The following ALK variants were observed in gnomAD, a reference collection of about 807,000 sequenced individuals.
The protein encoded by ALK is ALK receptor tyrosine kinase.
A neutral mutation model predicts 163.1 loss-of-function variants in ALK; 74 were observed. The observed-to-expected ratio is 0.45, with a 90% CI of 0.38 to 0.55. ALK has a LOEUF of 0.55. Among genes scored for constraint, ALK ranks in the 20% least tolerant of loss-of-function variants. ALK has a pLI of 0.00. For synonymous variants in ALK, 960 were observed against 843.2 expected (o/e 1.14, Z -2.40); for missense variants, 2,063 against 2,105.3 (o/e 0.98, Z 0.39).
intron 4 of ALK, among the ~76,000 whole-genome samples, chr2:29,452,506 T>A (rs11684187): frequency 0.076 from 11,598 of 152,182 alleles, 563 homozygotes; most frequent in Non-Finnish European, 0.11. Context: ...ACTTCTTCAT[T>A]GTCTAACTCC....
At chr2:29,234,584 T>C (rs1398682061) in intron 13 of ALK, among the ~76,000 whole-genome samples, 1 of 152,086 alleles carries the variant, frequency 6.6e-6, no homozygotes, top group African/African-American at 2.4e-5. Context: ...TCAGGTAGTC[T>C]GGATTCTCCA....
intron 4 of ALK, among the ~76,000 whole-genome samples, chr2:29,507,279 G>A (rs1477501935): frequency 2.0e-5 from 3 of 152,124 alleles, no homozygotes. Context: ...ATCACAAAAC[G>A]ACAAATACCA....
chr2:29,370,210 G>C (rs1469845193), intron 5 of ALK, among the ~76,000 whole-genome samples: 3 of 152,214 alleles, frequency 2.0e-5, no homozygotes, highest in Non-Finnish European at 4.4e-5. Context: ...ATAAGCCCAA[G>C]TCCTCAGGAC....
At chr2:29,909,876 T>C (rs1464594461) in intron 1 of ALK, among the ~76,000 whole-genome samples, 3 of 151,758 alleles carry the variant, frequency 2.0e-5, no homozygotes, top group African/African-American at 7.3e-5. Context: ...AAGTATAAAA[T>C]TGATGGACAA....
intron 1 of ALK, among the ~76,000 whole-genome samples, chr2:29,772,239 G>A (rs1053819837): frequency 6.6e-6 from 1 of 152,094 alleles, no homozygotes; most frequent in South Asian, 2.1e-4. Context: ...AGGAAACTAA[G>A]CTAATATAAA....
intron 3 of ALK, among the ~76,000 whole-genome samples, chr2:29,556,058 G>C (rs780319927): frequency 6.6e-6 from 1 of 152,162 alleles, no homozygotes; most frequent in Non-Finnish European, 1.5e-5. Context: ...CCTCAGTGAG[G>C]AGATGGTCAA....
At chr2:29,741,107 C>A (rs1680046217) in intron 1 of ALK, among the ~76,000 whole-genome samples, 1 of 152,128 alleles carries the variant, frequency 6.6e-6, no homozygotes, top group South Asian at 2.1e-4. Flanking sequence ...TCTGAAAGGA[C>A]TATAGACTGT....
chr2:29,323,531 A>G (rs985404020), intron 6 of ALK, among the ~76,000 whole-genome samples: 2 of 152,168 alleles, frequency 1.3e-5, no homozygotes, highest in African/African-American at 2.4e-5. Context: ...ACGGGAGAGG[A>G]GGCAGGCAAA....
chr2:29,625,854 G>T (rs1290055442), intron 3 of ALK, among the ~76,000 whole-genome samples: 2 of 152,252 alleles, frequency 1.3e-5, no homozygotes, highest in Admixed American at 6.5e-5. Context: ...CCTGAGCTTT[G>T]CATGTCATCA....
chr2:29,686,147 C>A (rs1034056344), intron 3 of ALK, among the ~76,000 whole-genome samples: 1 of 152,128 alleles, frequency 6.6e-6, no homozygotes, highest in African/African-American at 2.4e-5. Context: ...TTGTTGGGGG[C>A]TGGAGGAAGC....
chr2:29,368,474 C>A (rs1018617672), intron 5 of ALK, among the ~76,000 whole-genome samples: 20 of 152,080 alleles, frequency 1.3e-4, no homozygotes, highest in Non-Finnish European at 2.5e-4. Context: ...ATAAAATTTT[C>A]AAAAATCCAA....
At chr2:29,561,158 T>A (rs1674012367) in intron 3 of ALK, among the ~76,000 whole-genome samples, 1 of 152,242 alleles carries the variant, frequency 6.6e-6, no homozygotes. Flanking sequence ...TTTAAGTGGC[T>A]ACTAGACAAT....
intron 4 of ALK, among the ~76,000 whole-genome samples, chr2:29,420,177 AAG>A (rs1669983118): frequency 1.5e-5 from 2 of 130,978 alleles, no homozygotes; most frequent in East Asian, 2.6e-4. Context: ...AAAAAAAAAA[AAG>A]GTAGGGACCA....
chr2:29,643,361 C>A (rs1676759826), intron 3 of ALK, among the ~76,000 whole-genome samples: 1 of 152,078 alleles, frequency 6.6e-6, no homozygotes, highest in African/African-American at 2.4e-5. Context: ...GTGGCCCCTG[C>A]ATGAAGACAA....
intron 2 of ALK, among the ~76,000 whole-genome samples, chr2:29,716,215 G>A (rs1167275167): frequency 1.3e-5 from 2 of 152,164 alleles, no homozygotes; most frequent in African/African-American, 2.4e-5. Flanking sequence ...ATTGAATCAG[G>A]CCTGATGAAT....
At chr2:29,564,547 C>T (rs990610338) in intron 3 of ALK, among the ~76,000 whole-genome samples, 1 of 151,962 alleles carries the variant, frequency 6.6e-6, no homozygotes, top group Non-Finnish European at 1.5e-5. Context: ...TGTTGTCATT[C>T]TGAGGAGCTG....
chr2:29,221,099 G>T (rs1366565104), intron 22 of ALK: 7 of 609,054 alleles, frequency 1.1e-5, no homozygotes, highest in Non-Finnish European at 2.2e-5. Flanking sequence ...CAGGCACTTG[G>T]GTGAGGAAGT....
chr2:29,244,926 G>A (rs1334116987), intron 12 of ALK, among the ~76,000 whole-genome samples: 1 of 152,262 alleles, frequency 6.6e-6, no homozygotes, highest in East Asian at 1.9e-4. Flanking sequence ...AGAGTCTCAG[G>A]CCTTTCTACC....
In ALK at chr2:29,227,083, A is replaced by G. The variant is rs373765395; in HGVS notation, c.2915-9T>C. 400 of 1,614,144 alleles carry G rather than the reference A, an allele frequency of 2.5e-4. 1 individual carries two copies. In the African/African-American group the frequency reaches 4.7e-3, roughly 19 times the overall value. ...CCCGTGGCCTTCCATCACTAGTGAC[A>G]AGGAGGGAGGGTCAGTCTTGGGCCG... On this transcript the variant is annotated splice_polypyrimidine_tract_variant and intron_variant, in intron 17 of 28. Coordinates refer to ENST00000389048, the MANE Select transcript of ALK (RefSeq NM_004304.5). This position sits in a 1 kb window ranked among gnomAD's most constrained non-coding sequence, Gnocchi z 4.4.
Sources: gnomAD v4.1 joint callset for allele counts (sites outside exome capture counted in the v4.1 genomes callset) on GRCh38, gnomAD v4.1.1 for gene constraint, Gnocchi (gnomAD v3.1) non-coding constraint, MANE v1.5 for transcripts, NCBI Gene and HGNC (gene_info 2026-07-23, HGNC 2026-07-21) for gene names.